The following DNAJC1 variants were observed in gnomAD, a reference collection of about 807,000 sequenced individuals.
The protein encoded by DNAJC1 is DnaJ heat shock protein family (Hsp40) member C1.
Under a neutral mutation model 76.6 loss-of-function variants are expected in DNAJC1, and 58 were observed. The ratio of observed to expected loss-of-function variants is 0.76; its 90% CI spans 0.61 to 0.94. The LOEUF (loss-of-function observed/expected upper bound fraction) is 0.94. Among genes scored for constraint, DNAJC1 ranks in the 40% least tolerant of loss-of-function variants. The probability of loss-of-function intolerance (pLI) is 0.00; values close to 1 mark genes in which losing one functional copy is unlikely to be tolerated. For missense variants in DNAJC1, 689 were observed against 677.3 expected, an observed-to-expected ratio of 1.02 and a Z score of -0.19; for synonymous variants, 258 against 267.9, an observed-to-expected ratio of 0.96 and a Z score of 0.36.
intron 5 of DNAJC1, 35 bp from the exon 6 acceptor site, chr10:21,918,907 A>G (rs1214618139): frequency 1.4e-6 from 2 of 1,423,258 alleles, no homozygotes; most frequent in Admixed American, 1.7e-5. Flanking sequence ...ACCATACAAC[A>G]TATGAGGAAT....
At chr10:21,876,257 C>G (rs928224957) in intron 8 of DNAJC1, among the ~76,000 whole-genome samples, 3 of 151,794 alleles carry the variant, frequency 2.0e-5, no homozygotes, top group African/African-American at 7.3e-5. Flanking sequence ...ATCACAGGTG[C>G]GTGTCACCAG....
intron 8 of DNAJC1, among the ~76,000 whole-genome samples, chr10:21,871,160 T>C (rs868743903): frequency 2.6e-5 from 4 of 152,042 alleles, no homozygotes; most frequent in Middle Eastern, 3.4e-3. Flanking sequence ...ATTAAAACAG[T>C]TGGTGCAAAC....
At chr10:21,855,150 G>A (rs904016159) in intron 8 of DNAJC1, among the ~76,000 whole-genome samples, 4 of 152,088 alleles carry the variant, frequency 2.6e-5, no homozygotes, top group African/African-American at 9.7e-5. Flanking sequence ...AATACTGACG[G>A]AGTTAAAATA....
At chr10:21,992,726 T>C (rs904947352) in intron 1 of DNAJC1, among the ~76,000 whole-genome samples, 5 of 152,236 alleles carry the variant, frequency 3.3e-5, no homozygotes, top group African/African-American at 9.6e-5. Context: ...CTGTCAGTCA[T>C]GATTTATATG....
At chr10:21,984,652 A>G (rs915889089) in intron 1 of DNAJC1, among the ~76,000 whole-genome samples, 7 of 152,358 alleles carry the variant, frequency 4.6e-5, no homozygotes, top group Non-Finnish European at 1.0e-4. Flanking sequence ...TCTGCCATAT[A>G]TATTTAAAAT....
In DNAJC1 at chr10:21,831,255, C is replaced by T. The variant is rs72804401; in HGVS notation, c.979-25156G>A. Among the ~76,000 whole-genome samples the T allele has an allele frequency of 4.1e-3, 627 of 152,280 alleles. 3 individuals are homozygous for T. Among genetic ancestry groups the T allele is most frequent in the Non-Finnish European group, 6.5e-3 (440 of 68,020 alleles). On this transcript the variant is annotated intron_variant, in intron 8 of 11. Transcript: ENST00000376980. ...ACACAGGATTTTCTCATTCTCCTTT[C>T]ACAGAAGGGTAGCCCTTTGAGAGCA...
chr10:21,962,352 G>A (rs1196708268), intron 1 of DNAJC1, among the ~76,000 whole-genome samples: 3 of 148,318 alleles, frequency 2.0e-5, no homozygotes, highest in African/African-American at 7.5e-5. Context: ...ATTAAGACTT[G>A]CCACTTCTTA....
chr10:21,772,271 CTTTTTTTTT>C (rs398045895), intron 9 of DNAJC1, among the ~76,000 whole-genome samples: 7 of 93,054 alleles, frequency 7.5e-5, no homozygotes, highest in Admixed American at 2.6e-4. Flanking sequence ...CACCCCTCTT[CTTTTTTTTT>C]TTTTTTTTTT....
intron 1 of DNAJC1, among the ~76,000 whole-genome samples, chr10:21,941,095 CAAAAAAAAAA>C (rs1208799870): frequency 2.6e-5 from 1 of 39,182 alleles, no homozygotes; most frequent in African/African-American, 8.6e-5. Context: ...ACTAAAAATA[CAAAAAAAAAA>C]AAAAAAAAAA....
chr10:21,841,602 A>T (rs888153302), intron 8 of DNAJC1, among the ~76,000 whole-genome samples: 5 of 152,190 alleles, frequency 3.3e-5, no homozygotes, highest in African/African-American at 7.2e-5. Context: ...GTCAGGAAAC[A>T]ACAGGTGCTG....
chr10:21,949,400 ACCC>A (rs1167589536), intron 1 of DNAJC1, among the ~76,000 whole-genome samples: 4 of 39,232 alleles, frequency 1.0e-4, no homozygotes, highest in Admixed American at 3.1e-4. Context: ...CCCTCCCCCC[ACCC>A]CCTTCTTCTT....
chr10:21,819,457 T>C (rs966336485), intron 8 of DNAJC1, among the ~76,000 whole-genome samples: 5 of 151,678 alleles, frequency 3.3e-5, no homozygotes, highest in Non-Finnish European at 4.4e-5. Flanking sequence ...TGGTCACGCT[T>C]TGAAATTCAA....
In DNAJC1 at chr10:21,820,181, G is replaced by T. The variant is rs1362903756; in HGVS notation, c.979-14082C>A. 2.0e-5 allele frequency among the ~76,000 whole-genome samples: 3 copies of T among 152,104 alleles called. No homozygotes were observed. In the East Asian group the frequency reaches 5.8e-4, roughly 29 times the overall value. On this transcript the variant is annotated intron_variant, in intron 8 of 11. Coordinates refer to ENST00000376980, the MANE Select transcript of DNAJC1 (RefSeq NM_022365.4). ...CTATTCTGGGCATTTCATAAAAATG[G>T]AATCATATAATATGTAGTCTTTTAC...
chr10:21,928,812 A>C (rs1338967142), intron 2 of DNAJC1, among the ~76,000 whole-genome samples: 1 of 152,216 alleles, frequency 6.6e-6, no homozygotes, highest in Non-Finnish European at 1.5e-5. Flanking sequence ...CAAAAGCTGT[A>C]ATTTAGACAA....
chr10:21,767,007 T>C (rs1052848447), intron 9 of DNAJC1, among the ~76,000 whole-genome samples: 1 of 151,892 alleles, frequency 6.6e-6, no homozygotes, highest in South Asian at 2.1e-4. Context: ...ACTTTCATTA[T>C]GCAAACAGGT....
chr10:21,994,854 A>G (rs1007513514), intron 1 of DNAJC1, among the ~76,000 whole-genome samples: 7 of 150,988 alleles, frequency 4.6e-5, no homozygotes, highest in Non-Finnish European at 7.4e-5. Flanking sequence ...AGATCCATAA[A>G]GAAATATTGT....
At chr10:21,909,911 C>T (rs1168902945) in intron 6 of DNAJC1, among the ~76,000 whole-genome samples, 1 of 152,128 alleles carries the variant, frequency 6.6e-6, no homozygotes, top group Admixed American at 6.5e-5. Context: ...AGGCATATGC[C>T]AGAAACAGAC....
intron 9 of DNAJC1, among the ~76,000 whole-genome samples, chr10:21,779,008 G>A (rs767757608): frequency 2.0e-5 from 3 of 152,198 alleles, no homozygotes; most frequent in South Asian, 2.1e-4. Context: ...CTAGCACAGC[G>A]GTCTGAGATC....
At chr10:21,968,801 C>T (rs978241739) in intron 1 of DNAJC1, among the ~76,000 whole-genome samples, 4 of 152,174 alleles carry the variant, frequency 2.6e-5, no homozygotes, top group African/African-American at 7.2e-5. Flanking sequence ...TGAGCCACCA[C>T]ACCCAGCCAA....
Sources: gnomAD v4.1 joint callset for allele counts (sites outside exome capture counted in the v4.1 genomes callset) on GRCh38, gnomAD v4.1.1 for gene constraint, MANE v1.5 for transcripts, NCBI Gene and HGNC (gene_info 2026-07-23, HGNC 2026-07-21) for gene names.